DDOST: variants seen among roughly 807,000 people sequenced by gnomAD.
DDOST encodes dolichyl-diphosphooligosaccharide--protein glycosyltransferase 48 kDa subunit.
Under a neutral mutation model 47.6 loss-of-function variants are expected in DDOST, and 25 were observed. That is an observed-to-expected ratio of 0.53 (90% confidence interval 0.38 to 0.73). DDOST has a LOEUF of 0.73. Among genes scored for constraint, DDOST ranks in the 30% least tolerant of loss-of-function variants. DDOST has a pLI of 0.00. For missense variants in DDOST, 526 were observed against 573.9 expected (o/e 0.92, Z 0.85); for synonymous variants, 275 against 236.0 (o/e 1.17, Z -1.51).
chr1:20,655,920 C>A lies in DDOST; in HGVS notation c.353-141G>T, dbSNP rs1019366717. 15 of 831,164 alleles carry A rather than the reference C, an allele frequency of 1.8e-5. No individual in the cohort carries two copies. The East Asian group carries it at 3.7e-4, about 21-fold the overall frequency. The allele number at this position is 831,164 out of a possible 1,614,324, so 51.5% of individuals were successfully genotyped here. ...AGCTGGGCTCAGCCCCAGATGGACCCCTGGACAGCAGTGTGGTATTCTGCC... is the reference window on the plus strand; with the variant it reads ...AGCTGGGCTCAGCCCCAGATGGACCACTGGACAGCAGTGTGGTATTCTGCC... On this transcript the variant is annotated intron_variant, in intron 3 of 10. Transcript: ENST00000602624.
rs772970010 is a variant in DDOST, at chr1:20,654,632, C to G, written c.627G>C (p.Pro209=). 7 of 1,563,588 alleles carry G rather than the reference C, an allele frequency of 4.5e-6. No homozygotes were observed. The highest frequency in any genetic ancestry group is 1.9e-5 in the Admixed American group (1 of 52,962). Residue 209 remains proline (P), a synonymous_variant, in exon 6 of 11, where the codon CCG becomes CCC. Transcript: ENST00000602624. The part of the protein sequence containing the change: ...TGSSTSYSFF[P]DKPITQYPHA... Reference sequence around the variant, plus strand: ...CCCTTACCTGGGTGATAGGCTTGTCCGGGAAGAAGGAGTAAGAGGTGGAAG... The same window carrying G: ...CCCTTACCTGGGTGATAGGCTTGTCGGGGAAGAAGGAGTAAGAGGTGGAAG...
intron 2 of DDOST, among the ~76,000 whole-genome samples, chr1:20,658,791 G>A (rs940108743): frequency 2.6e-5 from 4 of 151,674 alleles, no homozygotes; most frequent in South Asian, 2.1e-4. Context: ...TTCCATTTTC[G>A]GTGGTAATTC....
Position 20,654,610 on chromosome 1 carries a change from T to A in DDOST, c.645+4A>T, listed in dbSNP as rs1347055967. The stretch of plus-strand genomic sequence containing the variant: ...TCGAAGCCTCAAGGTTGTGAAGCCC[T>A]TACCTGGGTGATAGGCTTGTCCGGG... On this transcript the variant is annotated splice_donor_region_variant and intron_variant, in intron 6 of 10. Transcript: ENST00000602624. The A allele has an allele frequency of 1.3e-5, 20 of 1,557,848 alleles. No individual in the cohort carries two copies. Among genetic ancestry groups the A allele is most frequent in the Non-Finnish European group, 1.6e-5 (18 of 1,149,064 alleles).
chr1:20,656,036 G>T, intron 3 of DDOST, 65 bp downstream of exon 3: 1 of 1,407,152 alleles, frequency 7.1e-7, no homozygotes, highest in Non-Finnish European at 1.0e-6. Context: ...GGCAGCTTCT[G>T]TTTGTAATGC....
chr1:20,654,813 T>C (rs992148049), intron 5 of DDOST, 106 bp from the exon 6 acceptor site: 1 of 738,026 alleles, frequency 1.4e-6, no homozygotes, highest in Non-Finnish European at 2.3e-6. Flanking sequence ...TTTTTCTTAA[T>C]TGCCAACCAC....
At chr1:20,656,720 C>A (rs1028230984) in intron 2 of DDOST, among the ~76,000 whole-genome samples, 7 of 152,166 alleles carry the variant, frequency 4.6e-5, no homozygotes, top group Non-Finnish European at 1.0e-4. Flanking sequence ...AGATTCTATC[C>A]ATGACATCCA....
rs2053292145 is a variant in DDOST, at chr1:20,651,869, A to G, written c.*510T>C. On this transcript the variant is annotated 3_prime_UTR_variant, in exon 11 of 11. Transcript: ENST00000602624. ...AGACAGAGTCTTAACACTGTTGCCC[A>G]GGCTGGAGTGCAATGGCGTGATCTC... is the stretch of plus-strand genomic sequence containing the variant. 6.6e-6 allele frequency: 1 copy of G among 151,426 alleles called. No homozygotes were observed. The highest frequency in any genetic ancestry group is 2.4e-5 in the African/African-American group (1 of 41,090). The allele number at this position is 151,426 out of a possible 1,614,324, so 9.4% of individuals were successfully genotyped here.
intron 2 of DDOST, among the ~76,000 whole-genome samples, chr1:20,657,792 T>A (rs1279587848): frequency 6.6e-6 from 1 of 152,250 alleles, no homozygotes; most frequent in Non-Finnish European, 1.5e-5. Context: ...TACCTCTGCC[T>A]CTCATGCTAC....
rs762114838 is a variant in DDOST at position 20,652,890 on chromosome 1, G to A, written c.1024C>T (p.Arg342Cys). Reference sequence around the variant, plus strand: ...AAGGTCCTCACAAAAGGATCAATGCGGACAAACTCCAGCTGAATGTCATCG... The same window carrying A: ...AAGGTCCTCACAAAAGGATCAATGCAGACAAACTCCAGCTGAATGTCATCG... Reference protein sequence around the residue: ...DGDDIQLEFVRIDPFVRTFLK... With the variant: ...DGDDIQLEFVCIDPFVRTFLK... The change falls in exon 9 of 11, where the codon CGC (arginine) becomes TGC (cysteine). Residue 342 changes from arginine to cysteine, a missense_variant. Physicochemically the swap from Arg to Cys is radical, Grantham distance 180 (BLOSUM62 -3). Coordinates refer to ENST00000602624, the MANE Select transcript of DDOST (RefSeq NM_005216.5). 22 of 1,614,136 alleles carry A rather than the reference G, an allele frequency of 1.4e-5. No individual in the cohort carries two copies. The highest frequency in any genetic ancestry group is 1.7e-5 in the Non-Finnish European group (20 of 1,180,022).
chr1:20,655,479 C>T lies in DDOST; in HGVS notation c.512G>A (p.Gly171Glu). Residue 171 changes from glycine (G) to glutamate (E), a missense_variant, in exon 5 of 11, where the codon GGG (glycine) becomes GAG (glutamate). Coordinates refer to ENST00000602624, the MANE Select transcript of DDOST (RefSeq NM_005216.5). ...GAGGATGGGATTTAGAGATGATTTC[C>T]CAACGATGGTTGGGGCCTTCAGCAG... ...ENLLKAPTIV[G>E]KSSLNPILFR... The T allele has an allele frequency of 6.2e-7, 1 of 1,614,100 alleles. No homozygotes were observed. Among genetic ancestry groups the T allele is most frequent in the Non-Finnish European group, 8.5e-7 (1 of 1,180,008 alleles).
At chr1:20,658,856 C>CTTT (rs112536606) in intron 2 of DDOST, among the ~76,000 whole-genome samples, 4 of 132,822 alleles carry the variant, frequency 3.0e-5, no homozygotes, top group South Asian at 2.4e-4. Flanking sequence ...TTTCTCTTTT[C>CTTT]TTTTTTTTTT....
Position 20,652,102 on chromosome 1 carries a change from G to T in DDOST, c.*277C>A, listed in dbSNP as rs975118398. On this transcript the variant is annotated 3_prime_UTR_variant, in exon 11 of 11. Coordinates refer to ENST00000602624, the MANE Select transcript of DDOST (RefSeq NM_005216.5). ...GGCCTCCCAAAGTGCTGGGATTACA[G>T]GCATGAGCCACCGTGCCTGGCCACG... The T allele has an allele frequency of 6.3e-5, 17 of 269,118 alleles. No homozygotes were observed. Among genetic ancestry groups the T allele is most frequent in the Admixed American group, 1.0e-4 (2 of 19,968 alleles). 16.7% of individuals were successfully genotyped at this position (269,118 alleles called of 1,614,324 possible).
rs199990086 is a variant in DDOST at position 20,651,799 on chromosome 1, ATTT to A, written c.*577_*579del. On this transcript the variant is annotated 3_prime_UTR_variant, in exon 11 of 11. Coordinates refer to ENST00000602624, the MANE Select transcript of DDOST (RefSeq NM_005216.5). ...AAGTTTGAGGGCAACATCTCGCTTT[ATTT>A]TTATTTATTTATTTATTTATTTATT... The A allele has an allele frequency of 8.4e-6, 1 of 119,212 alleles. No homozygotes were observed. Among genetic ancestry groups the A allele is most frequent in the Admixed American group, 8.8e-5 (1 of 11,414 alleles). The allele number at this position is 119,212 out of a possible 1,614,324, so 7.4% of individuals were successfully genotyped here. A position where few individuals can be genotyped will look rare whatever the true frequency, so the allele number is the denominator to read the frequency against.
rs552700525 is a variant in DDOST at position 20,653,027 on chromosome 1, C to T, written c.943-56G>A. ...GGCCATGACTGGAGGCCTTCCACCA[C>T]CTGCAGGCAGAGCTGCACTTAATTC... On this transcript the variant is annotated intron_variant, in intron 8 of 10. Coordinates refer to ENST00000602624, the MANE Select transcript of DDOST (RefSeq NM_005216.5). 4.4e-6 allele frequency: 7 copies of T among 1,608,004 alleles called. 1 individual carries two copies. The African/African-American group carries it at 5.3e-5, about 12-fold the overall frequency.
intron 2 of DDOST, 28 bp from the exon 3 acceptor site, chr1:20,656,215 C>A: frequency 6.4e-7 from 1 of 1,570,180 alleles, no homozygotes; most frequent in South Asian, 1.1e-5. Flanking sequence ...ACACAGTGAC[C>A]CAGAGGTCTC....
chr1:20,660,706 G>C lies in DDOST; in HGVS notation c.265+175C>G, dbSNP rs1024140866. On this transcript the variant is annotated intron_variant, in intron 2 of 10. Transcript: ENST00000602624. ...AATCCTTAGCTGTTTCTTTTAGAAAGATGTACCCTCCTAGGGTCAGGTCAG... is the reference window on the plus strand; with the variant it reads ...AATCCTTAGCTGTTTCTTTTAGAAACATGTACCCTCCTAGGGTCAGGTCAG... 8 of 560,142 alleles carry C rather than the reference G, an allele frequency of 1.4e-5. No individual in the cohort carries two copies. In the African/African-American group the frequency reaches 1.5e-4, roughly 11 times the overall value. 34.7% of individuals were successfully genotyped at this position (560,142 alleles called of 1,614,324 possible).
chr1:20,661,132 CA>C, intron 1 of DDOST, 64 bp downstream of exon 1: 10 of 1,554,384 alleles, frequency 6.4e-6, no homozygotes, highest in African/African-American at 1.4e-5. Flanking sequence ...GGAGAGTGGT[CA>C]ATGCCCTCGA....
chr1:20,661,092 G>A, intron 1 of DDOST, 101 bp from the exon 2 acceptor site: 1 of 1,483,832 alleles, frequency 6.7e-7, no homozygotes, highest in Non-Finnish European at 9.3e-7. Flanking sequence ...GCCAGACCCG[G>A]GCGGCCTGCT....
In DDOST at chr1:20,652,233, C is replaced by T; in HGVS notation, c.*146G>A. 2 of 741,492 alleles carry T rather than the reference C, an allele frequency of 2.7e-6. No homozygotes were observed. The highest frequency in any genetic ancestry group is 4.1e-6 in the Non-Finnish European group (2 of 491,962). 45.9% of individuals were successfully genotyped at this position (741,492 alleles called of 1,614,324 possible). ...TATATAAAAATTATCCCAACTCCCA[C>T]CCCTTGGCTCTCAGTGTTGCATCTC... On this transcript the variant is annotated 3_prime_UTR_variant, in exon 11 of 11. Transcript: ENST00000602624.
Sources: allele counts gnomAD v4.1 joint callset (sites outside exome capture counted in the v4.1 genomes callset), GRCh38; gene constraint gnomAD v4.1.1; transcripts MANE v1.5; gene names NCBI Gene and HGNC (gene_info 2026-07-23, HGNC 2026-07-21).